The following LINGO2 variants were observed in gnomAD, a reference collection of about 807,000 sequenced individuals.
LINGO2 encodes the protein leucine rich repeat and Ig domain containing 2.
LINGO2 carries 14 observed loss-of-function variants against 30.6 expected under a neutral mutation model. The ratio of observed to expected loss-of-function variants is 0.46; its 90% CI spans 0.30 to 0.72. The LOEUF is 0.72. Ranked by LOEUF, LINGO2 falls within the 30% of genes least tolerant of loss-of-function variation. The pLI is 0.07. For synonymous variants in LINGO2, 317 were observed against 288.5 expected, an observed-to-expected ratio of 1.10 and a Z score of -1.00; for missense variants, 729 against 751.7, an observed-to-expected ratio of 0.97 and a Z score of 0.35.
At chr9:28,670,793 A>G (rs962748036), upstream of LINGO2, among the ~76,000 whole-genome samples, 5 of 152,172 alleles carry the variant, frequency 3.3e-5, no homozygotes, top group African/African-American at 1.2e-4. Context: ...TTAATATGCA[A>G]TATGGTAGGT....
At chr9:27,979,654 A>G (rs554267483) in intron 5 of LINGO2, among the ~76,000 whole-genome samples, 2 of 152,120 alleles carry the variant, frequency 1.3e-5, no homozygotes, top group South Asian at 4.1e-4. Context: ...ATCTTTACAT[A>G]AAGTAGAATC....
intron 4 of LINGO2, among the ~76,000 whole-genome samples, chr9:28,033,105 G>A (rs1400479398): frequency 2.6e-5 from 4 of 152,182 alleles, no homozygotes; most frequent in Non-Finnish European, 5.9e-5. Flanking sequence ...CTCTGCATTT[G>A]CTGCTATGAT....
chr9:28,781,286 T>C, the LINGO2 span, among the ~76,000 whole-genome samples: 2 of 152,206 alleles, frequency 1.3e-5, no homozygotes, highest in East Asian at 3.9e-4. Context: ...CGGGCTCTTA[T>C]AGGACTTTAG....
chr9:28,953,572 T>G, the LINGO2 span, among the ~76,000 whole-genome samples: 2 of 152,120 alleles, frequency 1.3e-5, no homozygotes. Flanking sequence ...TGTTCTATAT[T>G]TTTGTAAATT....
At chr9:29,014,604 G>T in the LINGO2 span, among the ~76,000 whole-genome samples, 1 of 152,180 alleles carries the variant, frequency 6.6e-6, no homozygotes, top group Non-Finnish European at 1.5e-5. Flanking sequence ...TCAAAACCCA[G>T]TTAATATGGC....
chr9:29,115,314 T>G, the LINGO2 span, among the ~76,000 whole-genome samples: 1 of 152,062 alleles, frequency 6.6e-6, no homozygotes, highest in Non-Finnish European at 1.5e-5. Flanking sequence ...GACTATAAAG[T>G]CCACTAAGAA....
chr9:28,481,774 T>TC (rs1346488734), intron 1 of LINGO2, among the ~76,000 whole-genome samples: 2 of 119,904 alleles, frequency 1.7e-5, no homozygotes, highest in Non-Finnish European at 3.4e-5. Flanking sequence ...CCCTCCCTCC[T>TC]CCCCCCACCC....
chr9:28,295,155 C>A (rs961934242), intron 4 of LINGO2, 53 bp downstream of exon 6: 2 of 152,432 alleles, frequency 1.3e-5, no homozygotes, highest in Non-Finnish European at 2.9e-5. Flanking sequence ...TGGCAGCATA[C>A]TGAAGCCCTT....
intron 1 of LINGO2, among the ~76,000 whole-genome samples, chr9:28,656,267 T>C (rs1304946726): frequency 1.3e-5 from 2 of 152,006 alleles, no homozygotes; most frequent in Middle Eastern, 3.2e-3. Context: ...AAAAATAGCA[T>C]ATTTACATAG....
At chr9:28,634,408 C>G (rs920326370) in intron 1 of LINGO2, among the ~76,000 whole-genome samples, 2 of 151,918 alleles carry the variant, frequency 1.3e-5, no homozygotes, top group South Asian at 2.1e-4. Flanking sequence ...CCCCATCCTT[C>G]CTTTACGAAA....
intron 5 of LINGO2, among the ~76,000 whole-genome samples, chr9:27,979,128 C>T (rs1038809192): frequency 2.0e-5 from 3 of 151,932 alleles, no homozygotes; most frequent in East Asian, 1.9e-4. Context: ...ACATTGTGAG[C>T]TGTGAACAGT....
chr9:28,753,930 T>C, the LINGO2 span, among the ~76,000 whole-genome samples: 14 of 151,948 alleles, frequency 9.2e-5, no homozygotes, highest in Non-Finnish European at 1.0e-4. Flanking sequence ...ATGTTTTGCA[T>C]TACAATAATT....
At chr9:27,971,977 C>T (rs1344442467) in intron 5 of LINGO2, among the ~76,000 whole-genome samples, 1 of 152,066 alleles carries the variant, frequency 6.6e-6, no homozygotes, top group East Asian at 1.9e-4. Context: ...CTTTACTATC[C>T]TTATAAGATT....
intron 1 of LINGO2, among the ~76,000 whole-genome samples, chr9:28,591,252 T>A (rs957160158): frequency 6.6e-6 from 1 of 152,030 alleles, no homozygotes. Context: ...GGCACATGTA[T>A]ACATATGTAA....
chr9:28,088,330 C>G (rs1825973932), intron 4 of LINGO2, among the ~76,000 whole-genome samples: 1 of 151,940 alleles, frequency 6.6e-6, no homozygotes, highest in African/African-American at 2.4e-5. Context: ...ATTGGACCTG[C>G]TTCTAGTATA....
chr9:29,188,086 T>C, the LINGO2 span, among the ~76,000 whole-genome samples: 1 of 142,714 alleles, frequency 7.0e-6, no homozygotes. Flanking sequence ...GACAGGGTCA[T>C]AGGACAATAG....
intron 3 of LINGO2, among the ~76,000 whole-genome samples, chr9:28,346,612 A>C (rs911466625): frequency 1.3e-5 from 2 of 152,146 alleles, no homozygotes; most frequent in Non-Finnish European, 2.9e-5. Flanking sequence ...AGGAATTGCC[A>C]CGCTGCTTTC....
At chr9:28,648,795 T>C (rs185715941) in intron 1 of LINGO2, among the ~76,000 whole-genome samples, 13 of 152,252 alleles carry the variant, frequency 8.5e-5, no homozygotes, top group Non-Finnish European at 1.9e-4. Context: ...AATACATGTA[T>C]GTGTGTTTCT....
At chr9:28,449,609 AT>A (rs1391384942) in intron 2 of LINGO2, among the ~76,000 whole-genome samples, 1 of 151,648 alleles carries the variant, frequency 6.6e-6, no homozygotes, top group Non-Finnish European at 1.5e-5. Context: ...CCAAAATCCC[AT>A]TTTTTTTCTC....
Sources: gnomAD v4.1 joint callset for allele counts (sites outside exome capture counted in the v4.1 genomes callset) on GRCh38, gnomAD v4.1.1 for gene constraint, MANE v1.5 for transcripts, NCBI Gene and HGNC (gene_info 2026-07-23, HGNC 2026-07-21) for gene names.